The following ASAP1 variants were observed in gnomAD, a reference collection of about 807,000 sequenced individuals.
ASAP1 encodes ArfGAP with SH3 domain, ankyrin repeat and PH domain 1, also known as arf-GAP with SH3 domain, ANK repeat and PH domain-containing protein 1.
In ASAP1, 43 loss-of-function variants were observed where a neutral mutation model predicts 145.2. That is an observed-to-expected ratio of 0.30 (90% confidence interval 0.23 to 0.38). The LOEUF (loss-of-function observed/expected upper bound fraction) is 0.38. Ranked by LOEUF, ASAP1 falls within the 10% of genes least tolerant of loss-of-function variation. The pLI, the probability that ASAP1 is intolerant of heterozygous loss-of-function variation, is 1.00. For missense variants in ASAP1, 1,018 were observed against 1,355.3 expected, an observed-to-expected ratio of 0.75 and a Z score of 3.91; for synonymous variants, 546 against 515.5, an observed-to-expected ratio of 1.06 and a Z score of -0.80.
At chr8:130,231,146 T>C (rs1314942568) in intron 4 of ASAP1, among the ~76,000 whole-genome samples, 2 of 152,128 alleles carry the variant, frequency 1.3e-5, no homozygotes, top group African/African-American at 2.4e-5. Flanking sequence ...TTTAACAAAA[T>C]GAAAAAGTGG....
At position 130,078,562 on chromosome 8, in the gene ASAP1, A is replaced by G. The variant is rs373978183; in HGVS notation, c.2642+1340T>C. Among the ~76,000 whole-genome samples, 38 of 152,282 alleles carry G rather than the reference A, an allele frequency of 2.5e-4. 1 individual carries two copies. In the South Asian group the frequency reaches 7.9e-3, roughly 32 times the overall value. ...TGGCCTCCCAAAGTGCTGGGATTAC[A>G]GGTGAGCCACTGTGTCCAGCCTTTA... On this transcript the variant is annotated intron_variant, in intron 26 of 29. Transcript: ENST00000518721.
intron 3 of ASAP1, among the ~76,000 whole-genome samples, chr8:130,258,284 C>G (rs988700617): frequency 6.6e-6 from 1 of 152,222 alleles, no homozygotes; most frequent in Non-Finnish European, 1.5e-5. Flanking sequence ...GAATTCTGCA[C>G]GTGACCCAGG....
intron 3 of ASAP1, among the ~76,000 whole-genome samples, chr8:130,326,085 C>G (rs1824307826): frequency 6.6e-6 from 1 of 152,132 alleles, no homozygotes. Flanking sequence ...TGTCCTTAAC[C>G]ACCGTCTATA....
At chr8:130,383,124 G>C (rs934549212) in intron 2 of ASAP1, among the ~76,000 whole-genome samples, 1 of 152,104 alleles carries the variant, frequency 6.6e-6, no homozygotes, top group Non-Finnish European at 1.5e-5. Context: ...GGCTCTATTC[G>C]ATCTTCTGCC....
intron 25 of ASAP1, 123 bp downstream of exon 25, chr8:130,091,850 C>T (rs1447851595): frequency 5.7e-6 from 6 of 1,057,182 alleles, no homozygotes; most frequent in Middle Eastern, 3.3e-4. Flanking sequence ...ATACCCGAGT[C>T]AGCACCCAGC....
At chr8:130,203,988 C>T (rs1348087933) in intron 5 of ASAP1, among the ~76,000 whole-genome samples, 1 of 152,124 alleles carries the variant, frequency 6.6e-6, no homozygotes, top group East Asian at 1.9e-4. Context: ...AACAGGATGT[C>T]CATATCTTTT....
chr8:130,278,125 T>C (rs764915764), intron 3 of ASAP1, among the ~76,000 whole-genome samples: 50 of 151,188 alleles, frequency 3.3e-4, no homozygotes, highest in Admixed American at 3.1e-3. Flanking sequence ...TTAGTACCAA[T>C]ATCCCTCAAA....
At chr8:130,072,306 G>C (rs764709089) in intron 27 of ASAP1, among the ~76,000 whole-genome samples, 2 of 152,144 alleles carry the variant, frequency 1.3e-5, no homozygotes, top group Admixed American at 6.5e-5. Flanking sequence ...TTGTGGGAGG[G>C]ATCTGATGGG....
At chr8:130,162,351 C>T (rs1307332126) in intron 11 of ASAP1, among the ~76,000 whole-genome samples, 2 of 152,028 alleles carry the variant, frequency 1.3e-5, no homozygotes, top group East Asian at 3.9e-4. Flanking sequence ...TGTTCATAAT[C>T]CTAATGAAGA....
At chr8:130,428,427 T>C (rs941002349) in intron 1 of ASAP1, among the ~76,000 whole-genome samples, 5 of 116,740 alleles carry the variant, frequency 4.3e-5, no homozygotes, top group Admixed American at 8.8e-5. Flanking sequence ...ATCACCATCA[T>C]CATCATCACC....
chr8:130,277,601 A>C (rs376992566), intron 3 of ASAP1, among the ~76,000 whole-genome samples: 1 of 152,244 alleles, frequency 6.6e-6, no homozygotes, highest in African/African-American at 2.4e-5. Context: ...AATAAGTGTC[A>C]TAATAGTCTA....
At chr8:130,409,059 C>T (rs990197057) in intron 1 of ASAP1, among the ~76,000 whole-genome samples, 2 of 152,000 alleles carry the variant, frequency 1.3e-5, no homozygotes, top group Non-Finnish European at 1.5e-5. Flanking sequence ...GTCAGGAGTT[C>T]GAGACCAGCC....
At chr8:130,146,575 C>T (rs185557689) in intron 13 of ASAP1, among the ~76,000 whole-genome samples, 85 of 152,238 alleles carry the variant, frequency 5.6e-4, no homozygotes, top group Admixed American at 4.0e-3. Flanking sequence ...AGGAGAGCTC[C>T]GAAGGCCAGT....
chr8:130,359,790 A>G (rs1284345829), intron 2 of ASAP1, among the ~76,000 whole-genome samples: 1 of 152,000 alleles, frequency 6.6e-6, no homozygotes, highest in Non-Finnish European at 1.5e-5. Flanking sequence ...CGCCCGGCTA[A>G]TTTTTTGTAT....
At chr8:130,389,799 C>G (rs1828190072) in intron 2 of ASAP1, among the ~76,000 whole-genome samples, 1 of 152,162 alleles carries the variant, frequency 6.6e-6, no homozygotes, top group Admixed American at 6.5e-5. Context: ...TTTCCAGGCT[C>G]AAGCAATCCT....
intron 3 of ASAP1, among the ~76,000 whole-genome samples, chr8:130,341,209 G>A (rs1321629396): frequency 6.6e-6 from 1 of 152,110 alleles, no homozygotes; most frequent in African/African-American, 2.4e-5. Flanking sequence ...CTGGATGGGT[G>A]CAGGGCGCCA....
At chr8:130,356,377 GT>G in intron 3 of ASAP1, among the ~76,000 whole-genome samples, 1 of 152,262 alleles carries the variant, frequency 6.6e-6, no homozygotes, top group East Asian at 1.9e-4. Context: ...ATCCTTAGAA[GT>G]ATATACAATT....
intron 3 of ASAP1, among the ~76,000 whole-genome samples, chr8:130,332,970 A>G (rs1824792454): frequency 1.3e-5 from 2 of 152,136 alleles, no homozygotes; most frequent in South Asian, 4.1e-4. Context: ...AGGAAATTCT[A>G]TTCACATTAC....
At chr8:130,419,791 C>G (rs1304512929) in intron 1 of ASAP1, among the ~76,000 whole-genome samples, 1 of 152,094 alleles carries the variant, frequency 6.6e-6, no homozygotes, top group Non-Finnish European at 1.5e-5. Context: ...CTGCTGGCCT[C>G]AATCCAAGTT....
Sources: gnomAD v4.1 joint callset for allele counts (sites outside exome capture counted in the v4.1 genomes callset) on GRCh38, gnomAD v4.1.1 for gene constraint, MANE v1.5 for transcripts, NCBI Gene and HGNC (gene_info 2026-07-23, HGNC 2026-07-21) for gene names.